Variants in NOMO1 observed in about 807,000 individuals in gnomAD.
NOMO1 encodes the protein NODAL modulator 1.
In NOMO1, 40 loss-of-function variants were observed where a neutral mutation model predicts 133.8. The observed-to-expected ratio is 0.30, with a 90% CI of 0.23 to 0.39. The LOEUF (loss-of-function observed/expected upper bound fraction) is 0.39, where lower values mean the gene tolerates loss of function less well. NOMO1 is among the 10% of genes least tolerant of loss of function. The probability of loss-of-function intolerance (pLI) is 1.00; values close to 1 mark genes in which losing one functional copy is unlikely to be tolerated. For synonymous variants in NOMO1, 236 were observed against 570.5 expected (o/e 0.41, Z 8.36); for missense variants, 462 against 1,419.9 (o/e 0.33, Z 10.84).
chr16:14,880,432 C>T (rs568219532), intron 24 of NOMO1, among the ~76,000 whole-genome samples: 26 of 152,052 alleles, frequency 1.7e-4, no homozygotes, highest in South Asian at 6.2e-4. Flanking sequence ...ATTCTTCTTG[C>T]CCAGGCTGGA....
At chr16:14,855,391 A>G (rs1963818822) in intron 9 of NOMO1, among the ~76,000 whole-genome samples, 1 of 151,490 alleles carries the variant, frequency 6.6e-6, no homozygotes, top group South Asian at 2.1e-4. Context: ...AACAAATCCC[A>G]AAAGAAAATA....
intron 13 of NOMO1, 99 bp downstream of exon 13, chr16:14,864,825 A>G: frequency 6.3e-7 from 1 of 1,597,134 alleles, no homozygotes; most frequent in Non-Finnish European, 8.6e-7. Flanking sequence ...GTTGTTTGCT[A>G]CTGATCACCT....
At chr16:14,885,540 T>C (rs1483129837) in intron 27 of NOMO1, among the ~76,000 whole-genome samples, 1 of 152,054 alleles carries the variant, frequency 6.6e-6, no homozygotes, top group Non-Finnish European at 1.5e-5. Context: ...TATAAGCAGT[T>C]AAGTATTTGG....
intron 16 of NOMO1, 149 bp from the exon 17 acceptor site, chr16:14,871,472 C>T (rs1348479831): frequency 4.2e-6 from 5 of 1,188,780 alleles, no homozygotes; most frequent in Middle Eastern, 2.9e-4. Context: ...AAAACGATGC[C>T]TGCCCAGTAT....
chr16:14,878,888 A>T, intron 23 of NOMO1, 54 bp downstream of exon 23: 1 of 1,599,140 alleles, frequency 6.3e-7, no homozygotes, highest in Non-Finnish European at 8.6e-7. Flanking sequence ...GAGAGCCAGG[A>T]TGCAGCATGC....
intron 3 of NOMO1, among the ~76,000 whole-genome samples, chr16:14,842,317 G>C (rs1422952626): frequency 6.6e-6 from 1 of 151,002 alleles, no homozygotes; most frequent in Non-Finnish European, 1.5e-5. Context: ...CATCGCCAAG[G>C]CTAAAATGAG....
At chr16:14,885,578 T>C (rs1240431846) in intron 27 of NOMO1, among the ~76,000 whole-genome samples, 1 of 151,848 alleles carries the variant, frequency 6.6e-6, no homozygotes. Context: ...GTGTGCGCTT[T>C]AGTCCACTCT....
rs1173388665 is a variant in NOMO1, at chr16:14,895,837, C to CA, written c.*194dup. On this transcript the variant is annotated 3_prime_UTR_variant, in exon 31 of 31. Transcript: ENST00000287667. ...TCACCCCTCCGTAGAGCCCCTCGTG[C>CA]AATGCAATGAATGGACCCTCCTGTC... is the stretch of plus-strand genomic sequence containing the variant. 6.5e-5 allele frequency: 101 copies of CA among 1,560,160 alleles called. No individual in the cohort carries two copies. Among genetic ancestry groups the CA allele is most frequent in the Non-Finnish European group, 8.3e-5 (96 of 1,153,388 alleles).
intron 11 of NOMO1, among the ~76,000 whole-genome samples, chr16:14,857,978 T>C (rs1232091679): frequency 3.4e-5 from 2 of 58,232 alleles, no homozygotes; most frequent in Non-Finnish European, 6.8e-5. Context: ...GGTTTCACTA[T>C]ATGTTGTCCA....
At chr16:14,836,387 G>A (rs1963508845) in intron 1 of NOMO1, among the ~76,000 whole-genome samples, 3 of 152,020 alleles carry the variant, frequency 2.0e-5, no homozygotes, top group Admixed American at 6.6e-5. Context: ...TCAAATGTTC[G>A]TTTTATGAGT....
intron 6 of NOMO1, among the ~76,000 whole-genome samples, chr16:14,851,278 C>T (rs987640663): frequency 8.6e-5 from 13 of 151,774 alleles, no homozygotes; most frequent in Non-Finnish European, 1.8e-4. Context: ...TGTTAGTGAC[C>T]GGAAGCAAGT....
chr16:14,849,562 T>C (rs1452714026), intron 6 of NOMO1, among the ~76,000 whole-genome samples: 1 of 134,996 alleles, frequency 7.4e-6, no homozygotes, highest in Non-Finnish European at 1.6e-5. Flanking sequence ...TAAATACTTG[T>C]GATAATCATT....
chr16:14,894,298 C>G (rs1395102091), intron 29 of NOMO1, among the ~76,000 whole-genome samples: 1 of 152,086 alleles, frequency 6.6e-6, no homozygotes, highest in East Asian at 1.9e-4. Flanking sequence ...TGCTGTCTGC[C>G]CAGCAAAAGG....
At chr16:14,845,424 C>T (rs1184792839) in intron 4 of NOMO1, among the ~76,000 whole-genome samples, 1 of 151,978 alleles carries the variant, frequency 6.6e-6, no homozygotes, top group South Asian at 2.1e-4. Context: ...ATCTTGCTGT[C>T]CCTGTGGGTG....
At chr16:14,875,495 A>G (rs1328189347) in intron 20 of NOMO1, 73 bp downstream of exon 20, 2 of 801,302 alleles carry the variant, frequency 2.5e-6, no homozygotes, top group African/African-American at 1.8e-5. Context: ...TTACAAGTAG[A>G]TTTGTGATGT....
chr16:14,864,347 T>C (rs529793072), intron 12 of NOMO1, among the ~76,000 whole-genome samples: 2,082 of 152,090 alleles, frequency 0.014, 46 homozygotes, highest in Non-Finnish European at 0.023. Flanking sequence ...TTAGGCCAGA[T>C]AGACTTTTGT....
In NOMO1 at chr16:14,882,602, T is replaced by C; in HGVS notation, c.3036T>C (p.Cys1012=). The stretch of plus-strand genomic sequence containing the variant: ...CCTGAGTTTTTTTGCAGCCGGGATG[T>C]GTGTACCACGTTCAGCTCAAGGCAG... ...KFRLRGLLPG[C]VYHVQLKAEG... Residue 1012 remains cysteine (C), a synonymous_variant, in exon 26 of 31, where the codon TGT becomes TGC. Transcript: ENST00000287667. The C allele has an allele frequency of 6.2e-7, 1 of 1,611,656 alleles. No homozygotes were observed. Among genetic ancestry groups the C allele is most frequent in the South Asian group, 1.1e-5 (1 of 90,940 alleles).
intron 13 of NOMO1, 80 bp downstream of exon 13, chr16:14,864,806 T>C (rs1597102858): frequency 4.3e-6 from 7 of 1,611,948 alleles, no homozygotes; most frequent in Non-Finnish European, 5.9e-6. Flanking sequence ...AACTTTTCCT[T>C]TTGCCTTTGT....
intron 3 of NOMO1, among the ~76,000 whole-genome samples, chr16:14,842,275 G>C (rs1485009787): frequency 4.6e-5 from 7 of 151,110 alleles, no homozygotes; most frequent in Non-Finnish European, 7.4e-5. Flanking sequence ...AGGCTTGCTC[G>C]TGCATTAGAC....
Sources: gnomAD v4.1 joint callset for allele counts (sites outside exome capture counted in the v4.1 genomes callset) on GRCh38, gnomAD v4.1.1 for gene constraint, MANE v1.5 for transcripts, NCBI Gene and HGNC (gene_info 2026-07-23, HGNC 2026-07-21) for gene names.